The following SIRT1 variants were observed in gnomAD, a reference collection of about 807,000 sequenced individuals.
SIRT1 encodes NAD-dependent protein deacetylase sirtuin-1.
SIRT1 carries 24 observed loss-of-function variants against 67.9 expected under a neutral mutation model. That is an observed-to-expected ratio of 0.35 (90% confidence interval 0.26 to 0.50). The LOEUF is 0.50. SIRT1 is among the 20% of genes least tolerant of loss of function. The pLI is 0.98. For synonymous variants in SIRT1, 378 were observed against 350.7 expected, an observed-to-expected ratio of 1.08 and a Z score of -0.87; for missense variants, 873 against 937.2, an observed-to-expected ratio of 0.93 and a Z score of 0.89.
intron 5 of SIRT1, 51 bp downstream of exon 5, chr10:67,906,988 AG>A (rs377315869): frequency 2.7e-6 from 4 of 1,462,042 alleles, no homozygotes; most frequent in Non-Finnish European, 2.7e-6. Flanking sequence ...TTTTATAGGA[AG>A]ATATTTCCTA....
At position 67,907,804 on chromosome 10, in the gene SIRT1, CAG is replaced by C. The variant is rs139373239; in HGVS notation, c.1091-238_1091-237del. On this transcript the variant is annotated intron_variant, in intron 5 of 8. Coordinates refer to ENST00000212015, the MANE Select transcript of SIRT1 (RefSeq NM_012238.5). ...AGAAGGCATCATTATATTAGTGTCT[CAG>C]AGATTGAGAATCATATTCATTCTAT... Among the ~76,000 whole-genome samples the C allele has an allele frequency of 4.3e-3, 662 of 152,214 alleles. 5 individuals carry two copies. Among genetic ancestry groups the C allele is most frequent in the African/African-American group, 0.016 (650 of 41,516 alleles).
intron 4 of SIRT1, among the ~76,000 whole-genome samples, chr10:67,903,772 A>G (rs531436788): frequency 6.6e-6 from 1 of 152,152 alleles, no homozygotes; most frequent in Non-Finnish European, 1.5e-5. Flanking sequence ...GTTTCCAGAC[A>G]CAGCTATGTG....
At position 67,885,012 on chromosome 10, in the gene SIRT1, G is replaced by C. The variant is rs1296308235; in HGVS notation, c.291G>C (p.Ala97=). 4 of 1,316,916 alleles carry C rather than the reference G, an allele frequency of 3.0e-6. No homozygotes were observed. The highest frequency in any genetic ancestry group is 2.2e-5 in the South Asian group (1 of 45,490). 81.6% of individuals were successfully genotyped at this position (1,316,916 alleles called of 1,614,324 possible). Residue 97 remains alanine, a synonymous_variant, in exon 1 of 9, where the codon GCG becomes GCC. Transcript: ENST00000212015. ...AGCAAGAGGCCCAGGCGACTGCGGC[G>C]GCTGGGGAAGGAGACAATGGGCCGG... ...GGEQEAQATA[A]AGEGDNGPGL...
chr10:67,912,378 A>G (rs1842913231), intron 7 of SIRT1, 96 bp from the exon 8 acceptor site: 2 of 1,133,698 alleles, frequency 1.8e-6, no homozygotes, highest in Admixed American at 2.4e-5. Context: ...TTGGAGCTCA[A>G]GCCCTTGTTG....
chr10:67,896,411 C>T (rs781074959), intron 4 of SIRT1, among the ~76,000 whole-genome samples: 8 of 152,168 alleles, frequency 5.3e-5, no homozygotes, highest in Non-Finnish European at 7.3e-5. Context: ...TACAGAGTGT[C>T]GGGATTGTAG....
At chr10:67,900,618 G>T (rs1412023069) in intron 4 of SIRT1, among the ~76,000 whole-genome samples, 3 of 151,360 alleles carry the variant, frequency 2.0e-5, no homozygotes, top group Non-Finnish European at 2.9e-5. Context: ...CTGTTTCTTT[G>T]TTTTTTTTAT....
intron 4 of SIRT1, among the ~76,000 whole-genome samples, chr10:67,891,948 G>A (rs1414180149): frequency 1.3e-5 from 2 of 152,176 alleles, no homozygotes; most frequent in Non-Finnish European, 2.9e-5. Context: ...ATAAGGATGT[G>A]CCTGAAAAAT....
At chr10:67,916,043 G>T (rs2029901294) in intron 8 of SIRT1, among the ~76,000 whole-genome samples, 1 of 152,060 alleles carries the variant, frequency 6.6e-6, no homozygotes, top group Non-Finnish European at 1.5e-5. Context: ...GCCTAGGCTG[G>T]CCCTTGAACT....
At position 67,888,908 on chromosome 10, in the gene SIRT1, C is replaced by G. The variant is rs772852024; in HGVS notation, c.574C>G (p.Leu192Val). 1 of 1,612,982 alleles carries G rather than the reference C, an allele frequency of 6.2e-7. No individual in the cohort carries two copies. The change falls in exon 3 of 9, where the codon CTT becomes GTT. Residue 192 changes from leucine (L) to valine (V), a missense_variant. Transcript: ENST00000212015. ...IGPYTFVQQH[L>V]MIGTDPRTIL... ...TCCATATACTTTTGTTCAGCAACAT[C>G]TTATGATTGGCACAGATCCTCGAAC...
intron 4 of SIRT1, among the ~76,000 whole-genome samples, chr10:67,897,980 CTG>C (rs1842684692): frequency 9.0e-6 from 1 of 111,140 alleles, no homozygotes; most frequent in Non-Finnish European, 1.7e-5. Flanking sequence ...TTAAGTAGGA[CTG>C]TTGTTCGGCT....
chr10:67,905,142 C>T (rs1445157412), intron 4 of SIRT1, among the ~76,000 whole-genome samples: 1 of 152,138 alleles, frequency 6.6e-6, no homozygotes, highest in Non-Finnish European at 1.5e-5. Context: ...CCTATTTTAT[C>T]TGTTGCCTAG....
chr10:67,909,137 G>GT, intron 6 of SIRT1, 119 bp from the exon 7 acceptor site: 1 of 678,874 alleles, frequency 1.5e-6, no homozygotes, highest in Non-Finnish European at 2.4e-6. Flanking sequence ...TAGCTTTTCT[G>GT]TTTTGTTTTT....
intron 4 of SIRT1, among the ~76,000 whole-genome samples, chr10:67,893,556 T>G (rs1393428581): frequency 6.6e-6 from 1 of 151,678 alleles, no homozygotes; most frequent in Non-Finnish European, 1.5e-5. Context: ...TTTTTTTTTT[T>G]TTTGGAGACG....
chr10:67,907,167 A>C (rs1367026290), intron 5 of SIRT1, among the ~76,000 whole-genome samples: 1 of 152,244 alleles, frequency 6.6e-6, no homozygotes. Context: ...TGATTTCAAA[A>C]GATGCTGCAG....
Position 67,885,158 on chromosome 10 carries a change from A to T in SIRT1, c.430+7A>T, listed in dbSNP as rs1267117450. On this transcript the variant is annotated splice_region_variant and intron_variant, in intron 1 of 8. Coordinates refer to ENST00000212015, the MANE Select transcript of SIRT1 (RefSeq NM_012238.5). The stretch of plus-strand genomic sequence containing the variant: ...GCGGCGATTGGGTACCGAGGTGCGC[A>T]GGGTGCGGGCGGCCGGAACTGCGCA... 3 of 1,385,936 alleles carry T rather than the reference A, an allele frequency of 2.2e-6. No individual in the cohort carries two copies. Among genetic ancestry groups the T allele is most frequent in the Non-Finnish European group, 2.8e-6 (3 of 1,061,790 alleles). The allele number at this position is 1,385,936 out of a possible 1,614,324, so 85.9% of individuals were successfully genotyped here. A position where few individuals can be genotyped will look rare whatever the true frequency, so the allele number is the denominator to read the frequency against.
At chr10:67,890,526 CTTGAGCCCTGGAGT>C (rs974338959) in intron 3 of SIRT1, among the ~76,000 whole-genome samples, 1 of 152,008 alleles carries the variant, frequency 6.6e-6, no homozygotes, top group Non-Finnish European at 1.5e-5. Context: ...GGGAGGATCA[CTTGAGCCCTGGAGT>C]TTGAGATCAC....
chr10:67,891,321 C>G (rs184064670), intron 3 of SIRT1, 81 bp from the exon 4 acceptor site: 1 of 1,267,366 alleles, frequency 7.9e-7, no homozygotes, highest in Non-Finnish European at 1.1e-6. Flanking sequence ...CAACTCTTAC[C>G]TAATTATATG....
At position 67,887,398 on chromosome 10, in the gene SIRT1, G is replaced by T; in HGVS notation, c.431-19G>T. On this transcript the variant is annotated intron_variant, in intron 1 of 8. Coordinates refer to ENST00000212015, the MANE Select transcript of SIRT1 (RefSeq NM_012238.5). ...GCATGTTGTTTTGATAGCCTTGACTGACTTGGTTTCTTTTGCAGATAACCT... is the reference window on the plus strand; with the variant it reads ...GCATGTTGTTTTGATAGCCTTGACTTACTTGGTTTCTTTTGCAGATAACCT... 2 of 1,540,400 alleles carry T rather than the reference G, an allele frequency of 1.3e-6. No individual in the cohort carries two copies. The highest frequency in any genetic ancestry group is 1.1e-5 in the South Asian group (1 of 89,278).
chr10:67,893,392 G>A (rs1842604137), intron 4 of SIRT1, among the ~76,000 whole-genome samples: 3 of 152,160 alleles, frequency 2.0e-5, no homozygotes, highest in African/African-American at 7.2e-5. Flanking sequence ...GTGAGGACAT[G>A]TGGTGTTTGG....
Sources: gnomAD v4.1 joint callset for allele counts (sites outside exome capture counted in the v4.1 genomes callset) on GRCh38, gnomAD v4.1.1 for gene constraint, MANE v1.5 for transcripts, NCBI Gene and HGNC (gene_info 2026-07-23, HGNC 2026-07-21) for gene names.